Variants in SNX24 observed in about 807,000 individuals in gnomAD.
SNX24 encodes sorting nexin-24.
Under a neutral mutation model 28.7 loss-of-function variants are expected in SNX24, and 22 were observed. The observed-to-expected ratio is 0.77, with a 90% confidence interval of 0.55 to 1.10. SNX24 has a LOEUF of 1.10. Among genes scored for constraint, SNX24 ranks in the 50% least tolerant of loss-of-function variants. The probability of loss-of-function intolerance (pLI) is 0.00; values close to 1 mark genes in which losing one functional copy is unlikely to be tolerated. For synonymous variants in SNX24, 69 were observed against 71.5 expected (o/e 0.96, Z 0.18); for missense variants, 221 against 201.1 (o/e 1.10, Z -0.60).
At chr5:122,964,247 C>CAAAAAAAAAAAAAAAAAAAAAA (rs34174497) in intron 3 of SNX24, among the ~76,000 whole-genome samples, 29 of 36,574 alleles carry the variant, frequency 7.9e-4, no homozygotes, top group South Asian at 1.1e-3. Flanking sequence ...GACTCCATCT[C>CAAAAAAAAAAAAAAAAAAAAAA]AAAAAAAAAA....
At chr5:123,021,610 C>T (rs1415928019) in intron 5 of SNX24, among the ~76,000 whole-genome samples, 1 of 152,108 alleles carries the variant, frequency 6.6e-6, no homozygotes, top group Non-Finnish European at 1.5e-5. Context: ...CCACTTTTAG[C>T]CCTACAAAAA....
Position 122,849,906 on chromosome 5 carries a change from T to G in SNX24, c.60+4213T>G, listed in dbSNP as rs978339013. 6.6e-5 allele frequency among the ~76,000 whole-genome samples: 10 copies of G among 151,364 alleles called. No homozygotes were observed. In the South Asian group the frequency reaches 1.0e-3, roughly 16 times the overall value. On this transcript the variant is annotated intron_variant, in intron 1 of 6. Transcript: ENST00000261369. ...GAGAGAAACCAGAAGAGCAGTGATC[T>G]TGAGGTGTGTAGCAGCTCAGAGAGT... is the stretch of plus-strand genomic sequence containing the variant.
intron 3 of SNX24, among the ~76,000 whole-genome samples, chr5:122,959,286 C>CTTT (rs201505063): frequency 7.3e-6 from 1 of 137,438 alleles, no homozygotes; most frequent in South Asian, 2.2e-4. Context: ...TACGATTTTT[C>CTTT]TTTTTTTTTT....
At chr5:122,923,194 C>T (rs1399424460) in intron 1 of SNX24, among the ~76,000 whole-genome samples, 3 of 151,886 alleles carry the variant, frequency 2.0e-5, no homozygotes, top group African/African-American at 7.2e-5. Context: ...AAAATATTAG[C>T]CAGGCATGGT....
chr5:122,891,856 A>G (rs1238637348), intron 1 of SNX24, among the ~76,000 whole-genome samples: 2 of 152,218 alleles, frequency 1.3e-5, no homozygotes, highest in Admixed American at 6.5e-5. Flanking sequence ...TTGTGAGCAA[A>G]CATGTGAGAA....
intron 1 of SNX24, among the ~76,000 whole-genome samples, chr5:122,899,987 T>C (rs1161835292): frequency 6.6e-6 from 1 of 152,092 alleles, no homozygotes; most frequent in Non-Finnish European, 1.5e-5. Flanking sequence ...ATAAATATTG[T>C]GTGTATTTAA....
At chr5:122,970,743 C>T (rs958947922) in intron 3 of SNX24, among the ~76,000 whole-genome samples, 3 of 152,200 alleles carry the variant, frequency 2.0e-5, no homozygotes, top group Admixed American at 6.5e-5. Flanking sequence ...GCTGGAATTA[C>T]AGGCATGAGC....
intron 1 of SNX24, among the ~76,000 whole-genome samples, chr5:122,914,964 T>G (rs1241055655): frequency 2.6e-5 from 4 of 152,154 alleles, no homozygotes; most frequent in African/African-American, 9.7e-5. Flanking sequence ...TTAGGTCCAG[T>G]TGAGGTGGAG....
chr5:122,931,110 T>G (rs1037904988), intron 1 of SNX24, among the ~76,000 whole-genome samples: 5 of 152,216 alleles, frequency 3.3e-5, no homozygotes, highest in African/African-American at 1.2e-4. Context: ...TAAAAACTTT[T>G]TAAAATTTCT....
chr5:123,028,837 T>C (rs1285385475), intron 5 of SNX24: 4 of 1,613,274 alleles, frequency 2.5e-6, no homozygotes, highest in Non-Finnish European at 3.4e-6. Flanking sequence ...GATGACACGA[T>C]GAAACTTGCT....
At chr5:122,845,939 G>A (rs570710596) in intron 1 of SNX24, among the ~76,000 whole-genome samples, 1 of 152,086 alleles carries the variant, frequency 6.6e-6, no homozygotes, top group Non-Finnish European at 1.5e-5. Flanking sequence ...CGGACGAGCT[G>A]CAGTCCTCGG....
chr5:122,864,074 C>T (rs1167974366), intron 1 of SNX24, among the ~76,000 whole-genome samples: 4 of 152,150 alleles, frequency 2.6e-5, no homozygotes, highest in African/African-American at 4.8e-5. Context: ...GTGGAACTTA[C>T]CTATTGGTTA....
chr5:122,981,785 C>G (rs1274588152), intron 3 of SNX24, among the ~76,000 whole-genome samples: 2 of 152,242 alleles, frequency 1.3e-5, no homozygotes, highest in Non-Finnish European at 2.9e-5. Context: ...TCAAGTGATT[C>G]TCCCGCCTCA....
intron 1 of SNX24, among the ~76,000 whole-genome samples, chr5:122,854,064 C>T (rs1007075196): frequency 1.3e-5 from 2 of 151,808 alleles, no homozygotes; most frequent in Non-Finnish European, 2.9e-5. Flanking sequence ...ACTTTGTTAT[C>T]TTCTGCTCTC....
chr5:122,848,905 AT>A (rs993362867), intron 1 of SNX24, among the ~76,000 whole-genome samples: 14 of 152,184 alleles, frequency 9.2e-5, no homozygotes, highest in African/African-American at 3.4e-4. Context: ...TTTTAAAAAA[AT>A]AAATGGCAAG....
At chr5:123,010,394 A>G (rs1226884723), downstream of SNX24, among the ~76,000 whole-genome samples, 1 of 151,858 alleles carries the variant, frequency 6.6e-6, no homozygotes, top group Non-Finnish European at 1.5e-5. Flanking sequence ...GGGTTCAAGC[A>G]TTCTCTGCCT....
chr5:123,023,053 A>C (rs1253182328), intron 5 of SNX24, among the ~76,000 whole-genome samples: 1 of 152,232 alleles, frequency 6.6e-6, no homozygotes, highest in Non-Finnish European at 1.5e-5. Context: ...CTCTTGTCTC[A>C]GCCTCCCAAA....
At chr5:122,866,123 G>T (rs1334176985) in intron 1 of SNX24, among the ~76,000 whole-genome samples, 1 of 152,190 alleles carries the variant, frequency 6.6e-6, no homozygotes, top group Non-Finnish European at 1.5e-5. Context: ...TTCTGTCACT[G>T]GTTGTGTGGT....
intron 1 of SNX24, among the ~76,000 whole-genome samples, chr5:122,890,734 G>C (rs1441022156): frequency 6.6e-6 from 1 of 152,078 alleles, no homozygotes; most frequent in African/African-American, 2.4e-5. Flanking sequence ...GCCTCCCAAA[G>C]GGCTGGAAGT....
Sources: gnomAD v4.1 joint callset for allele counts (sites outside exome capture counted in the v4.1 genomes callset) on GRCh38, gnomAD v4.1.1 for gene constraint, MANE v1.5 for transcripts, NCBI Gene and HGNC (gene_info 2026-07-23, HGNC 2026-07-21) for gene names.